Variants in FAM107B observed in about 807,000 individuals in gnomAD.
FAM107B encodes the protein protein FAM107B.
A neutral mutation model predicts 31.5 loss-of-function variants in FAM107B; 21 were observed. The observed-to-expected ratio is 0.67, with a 90% CI of 0.47 to 0.96. The LOEUF is 0.96. Ranked by LOEUF, FAM107B falls within the 40% of genes least tolerant of loss-of-function variation. The pLI, the probability that FAM107B is intolerant of heterozygous loss-of-function variation, is 0.00. For missense variants in FAM107B, 452 were observed against 377.1 expected (o/e 1.20, Z -1.64); for synonymous variants, 157 against 141.5 (o/e 1.11, Z -0.78).
rs1167005899 is a variant in FAM107B at position 14,519,025 on chromosome 10, A to G, written c.*2165T>C. ...AACTTCAAAGAGCTTCTCTGCCTAT[A>G]CATTCCACCGTTTAGCATAAGACAC... On this transcript the variant is annotated 3_prime_UTR_variant, in exon 5 of 5. Coordinates refer to ENST00000181796, the MANE Select transcript of FAM107B (RefSeq NM_031453.4). 2.0e-5 allele frequency: 3 copies of G among 152,568 alleles called. No individual in the cohort carries two copies. The highest frequency in any genetic ancestry group is 4.8e-5 in the African/African-American group (2 of 41,468). The allele number at this position is 152,568 out of a possible 1,614,324, so 9.5% of individuals were successfully genotyped here. A position where few individuals can be genotyped will look rare whatever the true frequency, so the allele number is the denominator to read the frequency against.
chr10:14,720,256 AT>A (rs1169342047), intron 1 of FAM107B, among the ~76,000 whole-genome samples: 18 of 150,448 alleles, frequency 1.2e-4, no homozygotes, highest in Admixed American at 6.6e-4. Context: ...TTTTTTGGTA[AT>A]TTTTTTTTTC....
intron 1 of FAM107B, among the ~76,000 whole-genome samples, chr10:14,739,569 G>C (rs963871920): frequency 4.6e-5 from 7 of 152,068 alleles, no homozygotes; most frequent in African/African-American, 1.5e-4. Flanking sequence ...TGTGTGACTT[G>C]GGCCTGACCA....
intron 1 of FAM107B, among the ~76,000 whole-genome samples, chr10:14,670,811 C>T (rs1854522345): frequency 6.6e-6 from 1 of 152,224 alleles, no homozygotes; most frequent in African/African-American, 2.4e-5. Context: ...GCTTTCAGCA[C>T]AGAATAAACA....
intron 2 of FAM107B, among the ~76,000 whole-genome samples, chr10:14,662,237 T>G (rs1459244963): frequency 5.3e-5 from 8 of 152,204 alleles, no homozygotes; most frequent in African/African-American, 1.2e-4. Flanking sequence ...TCCCTGCTTT[T>G]GGGGAGCACA....
intron 1 of FAM107B, among the ~76,000 whole-genome samples, chr10:14,767,261 T>G (rs568344902): frequency 6.6e-6 from 1 of 150,884 alleles, no homozygotes. Context: ...CCAGCTAATT[T>G]TTGTATTTTT....
At chr10:14,540,313 C>A (rs1375747028) in intron 2 of FAM107B, among the ~76,000 whole-genome samples, 4 of 152,220 alleles carry the variant, frequency 2.6e-5, no homozygotes, top group African/African-American at 9.6e-5. Context: ...CCCTCAATGT[C>A]TGTCCCCAAG....
chr10:14,588,336 G>T (rs1228505693), intron 2 of FAM107B, among the ~76,000 whole-genome samples: 1 of 152,198 alleles, frequency 6.6e-6, no homozygotes, highest in South Asian at 2.1e-4. Context: ...TAATTTAGAA[G>T]CATTTAAAAC....
At chr10:14,637,238 TG>T (rs1853523323) in intron 2 of FAM107B, among the ~76,000 whole-genome samples, 1 of 152,162 alleles carries the variant, frequency 6.6e-6, no homozygotes, top group South Asian at 2.1e-4. Flanking sequence ...TGTGGCAGTC[TG>T]ATTTTTGGGG....
At chr10:14,622,567 A>G (rs1001508150) in intron 2 of FAM107B, among the ~76,000 whole-genome samples, 1 of 152,180 alleles carries the variant, frequency 6.6e-6, no homozygotes, top group Non-Finnish European at 1.5e-5. Context: ...GGCCTCCCAA[A>G]GTGCTGGGAT....
intron 2 of FAM107B, among the ~76,000 whole-genome samples, chr10:14,541,205 T>C (rs1848162197): frequency 1.3e-5 from 2 of 152,082 alleles, no homozygotes; most frequent in South Asian, 2.1e-4. Flanking sequence ...TCCCCTCCGG[T>C]TGCCTTTCCC....
chr10:14,695,743 C>T (rs1204064405), intron 1 of FAM107B, among the ~76,000 whole-genome samples: 1 of 152,182 alleles, frequency 6.6e-6, no homozygotes. Context: ...TTGATGTTAT[C>T]ATAGAAAAGA....
chr10:14,695,282 T>C lies in FAM107B; in HGVS notation c.412-27591A>G, dbSNP rs144711208. 6.6e-5 allele frequency among the ~76,000 whole-genome samples: 10 copies of C among 150,822 alleles called. No individual in the cohort carries two copies. In the East Asian group the frequency reaches 1.5e-3, roughly 23 times the overall value. On this transcript the variant is annotated intron_variant, in intron 1 of 4. Coordinates refer to ENST00000181796, the MANE Select transcript of FAM107B (RefSeq NM_031453.4). ...CTCCTTTCCCCATGTGTTCTCTTGA[T>C]GCCTTTTTTGAAAATTAGTTGACCA...
intron 1 of FAM107B, among the ~76,000 whole-genome samples, chr10:14,772,144 G>A (rs113680455): frequency 2.4e-4 from 36 of 152,220 alleles, no homozygotes; most frequent in African/African-American, 7.9e-4. Context: ...CATGAGGACA[G>A]GAGATCGAGA....
At chr10:14,545,536 G>A (rs1016518752) in intron 2 of FAM107B, among the ~76,000 whole-genome samples, 17 of 152,226 alleles carry the variant, frequency 1.1e-4, no homozygotes, top group African/African-American at 4.1e-4. Flanking sequence ...CATCAGCAAT[G>A]ACATGCAGCA....
intron 1 of FAM107B, among the ~76,000 whole-genome samples, chr10:14,719,074 C>G (rs1053359472): frequency 9.2e-5 from 14 of 152,220 alleles, no homozygotes; most frequent in Admixed American, 8.5e-4. Context: ...ATCAGCCCAT[C>G]AAATGCACTT....
At chr10:14,597,677 G>A (rs1852232530) in intron 2 of FAM107B, among the ~76,000 whole-genome samples, 2 of 152,160 alleles carry the variant, frequency 1.3e-5, no homozygotes, top group African/African-American at 4.8e-5. Context: ...GGCCAGGCAC[G>A]GTGGCTCACA....
At chr10:14,746,184 G>A (rs905174714) in intron 1 of FAM107B, among the ~76,000 whole-genome samples, 4 of 152,156 alleles carry the variant, frequency 2.6e-5, no homozygotes, top group African/African-American at 7.2e-5. Context: ...TTGAGCCTAT[G>A]TGTGTCTTTG....
chr10:14,748,787 C>A (rs1832773853), intron 1 of FAM107B, among the ~76,000 whole-genome samples: 1 of 152,194 alleles, frequency 6.6e-6, no homozygotes, highest in Non-Finnish European at 1.5e-5. Flanking sequence ...ATTTCTATTG[C>A]TTGCAACTAC....
intron 2 of FAM107B, among the ~76,000 whole-genome samples, chr10:14,654,228 C>G (rs552818366): frequency 6.6e-6 from 1 of 151,768 alleles, no homozygotes; most frequent in Non-Finnish European, 1.5e-5. Context: ...ACATTGGCAA[C>G]CAATTTTCAA....
Sources: gnomAD v4.1 joint callset for allele counts (sites outside exome capture counted in the v4.1 genomes callset) on GRCh38, gnomAD v4.1.1 for gene constraint, MANE v1.5 for transcripts, NCBI Gene and HGNC (gene_info 2026-07-23, HGNC 2026-07-21) for gene names.